The following LEMD3 variants were observed in gnomAD, a reference collection of about 807,000 sequenced individuals.
The protein encoded by LEMD3 is LEM domain containing 3, also known as inner nuclear membrane protein Man1.
LEMD3 carries 33 observed loss-of-function variants against 95.2 expected under a neutral mutation model. That is an observed-to-expected ratio of 0.35 (90% CI 0.26 to 0.46). The LOEUF is 0.46. LEMD3 is among the 20% of genes least tolerant of loss of function. LEMD3 has a pLI of 1.00. For synonymous variants in LEMD3, 525 were observed against 474.6 expected, an observed-to-expected ratio of 1.11 and a Z score of -1.38; for missense variants, 1,210 against 1,192.8, an observed-to-expected ratio of 1.01 and a Z score of -0.21.
chr12:65,238,534 C>A lies in LEMD3; in HGVS notation c.1728C>A (p.Asn576Lys), dbSNP rs565217537. 83 of 1,607,410 alleles carry A rather than the reference C, an allele frequency of 5.2e-5. 1 individual carries two copies. In the South Asian group the frequency reaches 8.8e-4, roughly 17 times the overall value. ...DLGPEYEGIF[N>K]TSLQWILENG... ...GTCCTGAATATGAAGGTATATTTAA[C>A]ACTTCATTGCAGTGGATCTTAGAAA... The change falls in exon 5 of 13, where the codon AAC becomes AAA. Residue 576 changes from asparagine (N) to lysine (K), a missense_variant. By Grantham distance (94) the Asn-to-Lys change is moderately conservative (BLOSUM62 0). Coordinates refer to ENST00000308330, the MANE Select transcript of LEMD3 (RefSeq NM_014319.5).
chr12:65,181,989 A>G (rs1220623432), intron 1 of LEMD3, among the ~76,000 whole-genome samples: 2 of 152,054 alleles, frequency 1.3e-5, no homozygotes, highest in African/African-American at 4.8e-5. Flanking sequence ...AGAATTTTCA[A>G]TGTGTGTGAG....
At chr12:65,185,844 T>C (rs1056735755) in intron 1 of LEMD3, among the ~76,000 whole-genome samples, 5 of 151,994 alleles carry the variant, frequency 3.3e-5, no homozygotes, top group Non-Finnish European at 4.4e-5. Context: ...ATATCTTTGA[T>C]TGGTAAAACA....
At chr12:65,177,541 T>C (rs1257989411) in intron 1 of LEMD3, among the ~76,000 whole-genome samples, 1 of 152,146 alleles carries the variant, frequency 6.6e-6, no homozygotes, top group African/African-American at 2.4e-5. Flanking sequence ...GTTGTTCAAG[T>C]GAAAAATTCT....
intron 10 of LEMD3, among the ~76,000 whole-genome samples, chr12:65,245,132 CTT>C (rs536543524): frequency 1.1e-4 from 16 of 139,242 alleles, no homozygotes; most frequent in Admixed American, 2.2e-4. Context: ...TCTCTGCACT[CTT>C]TTTTTTTTTT....
In LEMD3 at chr12:65,171,033, T is replaced by C. The variant is rs149129862; in HGVS notation, c.1437T>C (p.Thr479=). 1 of 1,614,248 alleles carries C rather than the reference T, an allele frequency of 6.2e-7. No homozygotes were observed. The highest frequency in any genetic ancestry group is 1.7e-5 in the Admixed American group (1 of 60,034). Reference sequence around the variant, plus strand: ...ACTACTTGTCGATGTTTCTCTTAACTGCTGCCTGCTTATTTTTCCTAATAC... The same window carrying C: ...ACTACTTGTCGATGTTTCTCTTAACCGCTGCCTGCTTATTTTTCCTAATAC... The part of the protein sequence containing the change: ...SAHYLSMFLL[T]AACLFFLILG... The change falls in exon 1 of 13, where the codon ACT becomes ACC. Residue 479 remains threonine, a synonymous_variant. Coordinates refer to ENST00000308330, the MANE Select transcript of LEMD3 (RefSeq NM_014319.5).
At chr12:65,224,406 A>G (rs557326473) in intron 4 of LEMD3, among the ~76,000 whole-genome samples, 10 of 152,306 alleles carry the variant, frequency 6.6e-5, no homozygotes, top group Admixed American at 3.9e-4. Context: ...CCACAGTTTC[A>G]GTAACACCTA....
In LEMD3 at chr12:65,179,931, A is replaced by T. The variant is rs151179557; in HGVS notation, c.1522+8813A>T. On this transcript the variant is annotated intron_variant, in intron 1 of 12. Coordinates refer to ENST00000308330, the MANE Select transcript of LEMD3 (RefSeq NM_014319.5). The stretch of plus-strand genomic sequence containing the variant: ...GATTTTCATATTTAGATTTATTTTT[A>T]ACATAGATTTTATTTATTTTTTATT... 4.0e-4 allele frequency among the ~76,000 whole-genome samples: 61 copies of T among 152,224 alleles called. 1 individual carries two copies. In the East Asian group the frequency reaches 0.011, roughly 27 times the overall value.
rs1052832444 is a variant in LEMD3 at position 65,235,911 on chromosome 12, T to C, written c.1696-2591T>C. Reference sequence around the variant, plus strand: ...TACATTGTCTGCAATTTTTTTGATGTTTGTAAATGCTATAATAAACACCCA... The same window carrying C: ...TACATTGTCTGCAATTTTTTTGATGCTTGTAAATGCTATAATAAACACCCA... On this transcript the variant is annotated intron_variant, in intron 4 of 12. Coordinates refer to ENST00000308330, the MANE Select transcript of LEMD3 (RefSeq NM_014319.5). 1.2e-4 allele frequency among the ~76,000 whole-genome samples: 19 copies of C among 152,186 alleles called. 1 individual carries two copies. The highest frequency in any genetic ancestry group is 2.6e-4 in the Non-Finnish European group (18 of 68,012).
intron 1 of LEMD3, among the ~76,000 whole-genome samples, chr12:65,176,274 G>T (rs1387895709): frequency 6.6e-6 from 1 of 152,172 alleles, no homozygotes; most frequent in Non-Finnish European, 1.5e-5. Context: ...GACTATGCTT[G>T]CCCTTTCTAC....
At chr12:65,214,852 C>T (rs1039099218) in intron 2 of LEMD3, among the ~76,000 whole-genome samples, 2 of 152,026 alleles carry the variant, frequency 1.3e-5, no homozygotes, top group Non-Finnish European at 2.9e-5. Context: ...TTATGTCGAT[C>T]CCTCCTGATC....
At chr12:65,239,371 C>T (rs1442192202) in intron 6 of LEMD3, among the ~76,000 whole-genome samples, 2 of 151,898 alleles carry the variant, frequency 1.3e-5, no homozygotes, top group Non-Finnish European at 1.5e-5. Flanking sequence ...GAAGCATAGA[C>T]CCTACCTCTA....
chr12:65,240,887 T>G, intron 8 of LEMD3, 22 bp from the exon 9 acceptor site: 1 of 1,609,610 alleles, frequency 6.2e-7, no homozygotes, highest in South Asian at 1.1e-5. Context: ...ATAGTAAATT[T>G]GCCATTTTGT....
At position 65,170,320 on chromosome 12, in the gene LEMD3, C is replaced by G; in HGVS notation, c.724C>G (p.Arg242Gly). 1 of 1,598,440 alleles carries G rather than the reference C, an allele frequency of 6.3e-7. No individual in the cohort carries two copies. The highest frequency in any genetic ancestry group is 8.5e-7 in the Non-Finnish European group (1 of 1,172,300). The change falls in exon 1 of 13, where the codon CGG (arginine) becomes GGG (glycine). Residue 242 changes from arginine (R) to glycine (G), a missense_variant. Transcript: ENST00000308330. Reference protein sequence around the residue: ...PETEEPLWASRTVNGSRLVPY... With the variant: ...PETEEPLWASGTVNGSRLVPY... ...GACCGAGGAGCCGCTCTGGGCGAGC[C>G]GGACCGTGAATGGCAGCCGGCTTGT... is the stretch of plus-strand genomic sequence containing the variant.
intron 4 of LEMD3, among the ~76,000 whole-genome samples, chr12:65,224,844 T>C (rs1870400705): frequency 6.6e-6 from 1 of 152,196 alleles, no homozygotes; most frequent in Non-Finnish European, 1.5e-5. Context: ...TGTTTCTTTC[T>C]TCTCTTTCTG....
chr12:65,170,437 C>T lies in LEMD3; in HGVS notation c.841C>T (p.Leu281Phe), dbSNP rs747025576. Residue 281 changes from leucine (L) to phenylalanine (F), a missense_variant, in exon 1 of 13, where the codon CTT becomes TTT. Physicochemically the swap from Leu to Phe is conservative, Grantham distance 22 (BLOSUM62 0). Coordinates refer to ENST00000308330, the MANE Select transcript of LEMD3 (RefSeq NM_014319.5). ...SSRQVLKDDS[L>F]SRHRPRRTHS... ...CAGACAGGTATTAAAGGACGACTCC[C>T]TTTCCCGGCATCGGCCCAGACGAAC... 7 of 1,613,872 alleles carry T rather than the reference C, an allele frequency of 4.3e-6. No homozygotes were observed. In the East Asian group the frequency reaches 1.6e-4, roughly 36 times the overall value.
chr12:65,173,068 T>C (rs1868606979), intron 1 of LEMD3, among the ~76,000 whole-genome samples: 1 of 152,244 alleles, frequency 6.6e-6, no homozygotes, highest in South Asian at 2.1e-4. Flanking sequence ...AGAAATGCAC[T>C]GAGTGTTGAA....
At chr12:65,210,056 ACT>A (rs1374840321) in intron 1 of LEMD3, among the ~76,000 whole-genome samples, 4 of 151,976 alleles carry the variant, frequency 2.6e-5, no homozygotes, top group South Asian at 2.1e-4. Flanking sequence ...TAAGGAGAAG[ACT>A]CTGAATAAAA....
chr12:65,223,656 C>A (rs1318978524), intron 4 of LEMD3, among the ~76,000 whole-genome samples: 2 of 147,120 alleles, frequency 1.4e-5, no homozygotes, highest in Non-Finnish European at 3.0e-5. Context: ...AAAATTGGAG[C>A]TTTTTTTTTT....
At chr12:65,201,077 CTTTGTTCCTTTATCAA>C (rs1406074720) in intron 1 of LEMD3, among the ~76,000 whole-genome samples, 1 of 152,006 alleles carries the variant, frequency 6.6e-6, no homozygotes, top group Non-Finnish European at 1.5e-5. Flanking sequence ...ATTATATTGC[CTTTGTTCCTTTATCAA>C]AGATCAGTTG....
Sources: gnomAD v4.1 joint callset for allele counts (sites outside exome capture counted in the v4.1 genomes callset) on GRCh38, gnomAD v4.1.1 for gene constraint, MANE v1.5 for transcripts, NCBI Gene and HGNC (gene_info 2026-07-23, HGNC 2026-07-21) for gene names.